Variants in FAM89A observed in about 807,000 individuals in gnomAD.
FAM89A encodes protein FAM89A.
In FAM89A, 10 loss-of-function variants were observed where a neutral mutation model predicts 7.1. The observed-to-expected ratio is 1.40, with a 90% CI of 0.86 to 2.38. The LOEUF (loss-of-function observed/expected upper bound fraction) is 2.38. Among genes scored for constraint, FAM89A ranks in the 30% most tolerant of loss-of-function variants. The probability of loss-of-function intolerance (pLI) is 0.00; values close to 1 mark genes in which losing one functional copy is unlikely to be tolerated. For missense variants in FAM89A, 276 were observed against 262.8 expected (o/e 1.05, Z -0.35); for synonymous variants, 157 against 129.3 (o/e 1.21, Z -1.45).
In FAM89A at chr1:231,019,867, A is replaced by G; in HGVS notation, c.551T>C (p.Ile184Thr). ...LSSSDWILES[I>T] is the part of the protein sequence containing the mutation. ...TCACATCCCTCCCAAGACCCTCTAG[A>G]TGGACTCCAGAATCCAGTCGCTGCT... The change falls in exon 2 of 2, where the codon ATC (isoleucine) becomes ACC (threonine). Residue 184 changes from isoleucine to threonine, a missense_variant. Ile to Thr is a moderately conservative substitution (Grantham distance 89). Transcript: ENST00000366654. The G allele has an allele frequency of 6.2e-7, 1 of 1,613,746 alleles. No individual in the cohort carries two copies. The highest frequency in any genetic ancestry group is 8.5e-7 in the Non-Finnish European group (1 of 1,179,802).
chr1:231,033,446 A>T (rs1680108243), intron 1 of FAM89A, among the ~76,000 whole-genome samples: 1 of 152,220 alleles, frequency 6.6e-6, no homozygotes, highest in Admixed American at 6.5e-5. Flanking sequence ...AGTGAACTGC[A>T]AGCCAGGCAT....
chr1:231,022,922 G>A (rs770209645), intron 1 of FAM89A, among the ~76,000 whole-genome samples: 24 of 109,872 alleles, frequency 2.2e-4, no homozygotes, highest in Non-Finnish European at 4.2e-4. Context: ...GTTGTTCTCA[G>A]GAACCTTACC....
chr1:231,028,735 T>A (rs1572356175), intron 1 of FAM89A: 2 of 152,354 alleles, frequency 1.3e-5, no homozygotes. Context: ...TCCATGGCCG[T>A]AAACTGCGAG....
At chr1:231,032,442 C>A (rs908235245) in intron 1 of FAM89A, among the ~76,000 whole-genome samples, 3 of 144,752 alleles carry the variant, frequency 2.1e-5, no homozygotes, top group African/African-American at 7.7e-5. Flanking sequence ...CAAACCCTCA[C>A]TGTGACAGGA....
At chr1:231,028,026 C>CAA (rs1374904469) in intron 1 of FAM89A, among the ~76,000 whole-genome samples, 2 of 152,244 alleles carry the variant, frequency 1.3e-5, no homozygotes, top group African/African-American at 4.8e-5. Context: ...CCCAGAAACT[C>CAA]AGAGCAGACA....
intron 1 of FAM89A, among the ~76,000 whole-genome samples, chr1:231,039,502 T>A (rs1399060001): frequency 2.0e-5 from 3 of 152,072 alleles, no homozygotes; most frequent in Non-Finnish European, 4.4e-5. Context: ...GTCCTCTTCG[T>A]GGTAGGAAAA....
At chr1:231,034,777 A>G (rs1315656034) in intron 1 of FAM89A, among the ~76,000 whole-genome samples, 6 of 150,184 alleles carry the variant, frequency 4.0e-5, no homozygotes, top group Non-Finnish European at 7.4e-5. Context: ...TGTCTCAAAA[A>G]AAAAAAAAAA....
chr1:231,035,569 G>C (rs950396846), intron 1 of FAM89A, among the ~76,000 whole-genome samples: 1 of 152,102 alleles, frequency 6.6e-6, no homozygotes, highest in East Asian at 1.9e-4. Context: ...ATCTAACCTC[G>C]CACGGGTGCT....
At position 231,019,989 on chromosome 1, in the gene FAM89A, A is replaced by T. The variant is rs746369570; in HGVS notation, c.429T>A (p.Asp143Glu). The T allele has an allele frequency of 2.0e-5, 33 of 1,613,974 alleles. No individual in the cohort carries two copies. The Admixed American group carries it at 5.3e-4, about 26-fold the overall frequency. The change falls in exon 2 of 2, where the codon GAT becomes GAA. Residue 143 changes from aspartate (D) to glutamate (E), a missense_variant. Transcript: ENST00000366654. The part of the protein sequence containing the change: ...CTYALENGFF[D>E]EEEEYFQEQN... ...GCTCCTGGAAATATTCCTCCTCTTC[A>T]TCGAAGAAGCCGTTCTCCAGAGCGT...
At position 231,039,277 on chromosome 1, in the gene FAM89A, C is replaced by G. The variant is rs2103078702; in HGVS notation, c.291+644G>C. Among the ~76,000 whole-genome samples the G allele has an allele frequency of 2.0e-5, 3 of 152,364 alleles. No individual in the cohort carries two copies. In the Middle Eastern group the frequency reaches 0.01, roughly 518 times the overall value. On this transcript the variant is annotated intron_variant, in intron 1 of 1. Coordinates refer to ENST00000366654, the MANE Select transcript of FAM89A (RefSeq NM_198552.3). ...ACAGCACCCAGACCGGGAGGACAGC[C>G]ACCTCCCACCTTTCTCAAGAGGGTT...
rs949002573 is a variant in FAM89A at position 231,019,090 on chromosome 1, T to C, written c.*773A>G. The C allele has an allele frequency of 3.9e-5, 6 of 152,138 alleles. No individual in the cohort carries two copies. The highest frequency in any genetic ancestry group is 7.3e-5 in the Non-Finnish European group (5 of 68,030). The allele number at this position is 152,138 out of a possible 1,614,324, so 9.4% of individuals were successfully genotyped here. A position where few individuals can be genotyped will look rare whatever the true frequency, so the allele number is the denominator to read the frequency against. On this transcript the variant is annotated 3_prime_UTR_variant, in exon 2 of 2. Coordinates refer to ENST00000366654, the MANE Select transcript of FAM89A (RefSeq NM_198552.3). ...GGTGGTTTGCTTTCTAGCACACTAG[T>C]TTACATTCGGAATCTTAAAAATGAA...
At chr1:231,024,704 T>G (rs901672445) in intron 1 of FAM89A, among the ~76,000 whole-genome samples, 1 of 151,970 alleles carries the variant, frequency 6.6e-6, no homozygotes, top group Non-Finnish European at 1.5e-5. Context: ...GCCTGGCTAA[T>G]TTTTTAAAGA....
In FAM89A at chr1:231,019,671, G is replaced by C. The variant is rs1679834878; in HGVS notation, c.*192C>G. 6.5e-6 allele frequency: 4 copies of C among 618,748 alleles called. No individual in the cohort carries two copies. The highest frequency in any genetic ancestry group is 1.1e-5 in the Non-Finnish European group (4 of 358,320). 38.3% of individuals were successfully genotyped at this position (618,748 alleles called of 1,614,324 possible). A position where few individuals can be genotyped will look rare whatever the true frequency, so the allele number is the denominator to read the frequency against. ...CCTCTAGGTCACCTAAGCAGAAACT[G>C]CTGCCATCAAAGCAGACTGCCACCA... On this transcript the variant is annotated 3_prime_UTR_variant, in exon 2 of 2. Coordinates refer to ENST00000366654, the MANE Select transcript of FAM89A (RefSeq NM_198552.3).
chr1:231,019,075 T>C lies in FAM89A; in HGVS notation c.*788A>G, dbSNP rs1679822738. 1 of 152,210 alleles carries C rather than the reference T, an allele frequency of 6.6e-6. No individual in the cohort carries two copies. Among genetic ancestry groups the C allele is most frequent in the South Asian group, 2.1e-4 (1 of 4,828 alleles). 9.4% of individuals were successfully genotyped at this position (152,210 alleles called of 1,614,324 possible). On this transcript the variant is annotated 3_prime_UTR_variant, in exon 2 of 2. Transcript: ENST00000366654. Reference sequence around the variant, plus strand: ...CTGGTTTGAGTGGCGGGTGGTTTGCTTTCTAGCACACTAGTTTACATTCGG... The same window carrying C: ...CTGGTTTGAGTGGCGGGTGGTTTGCCTTCTAGCACACTAGTTTACATTCGG...
At chr1:231,026,260 C>T (rs1679968151) in intron 1 of FAM89A, 1 of 153,286 alleles carries the variant, frequency 6.5e-6, no homozygotes, top group African/African-American at 2.4e-5. Context: ...TGAGGTGGTA[C>T]ATGAGAAGGA....
At chr1:231,033,119 G>A (rs554401496) in intron 1 of FAM89A, among the ~76,000 whole-genome samples, 12 of 152,348 alleles carry the variant, frequency 7.9e-5, no homozygotes, top group African/African-American at 2.9e-4. Context: ...TGTGGGGAAC[G>A]AGCCACAGGA....
chr1:231,039,875 G>A (rs1454036754), intron 1 of FAM89A, 46 bp downstream of exon 1: 2 of 1,276,724 alleles, frequency 1.6e-6, no homozygotes, highest in African/African-American at 3.1e-5. Context: ...TTCCCGGGAC[G>A]GCGAGCCCGG....
intron 1 of FAM89A, chr1:231,028,543 G>A (rs907008076): frequency 1.2e-4 from 18 of 152,144 alleles, no homozygotes; most frequent in African/African-American, 4.3e-4. Flanking sequence ...GTGTGTTCTC[G>A]CATGCCCTTG....
chr1:231,032,366 A>AC (rs1680088163), intron 1 of FAM89A, among the ~76,000 whole-genome samples: 4 of 100,222 alleles, frequency 4.0e-5, no homozygotes, highest in Non-Finnish European at 4.3e-5. Flanking sequence ...ACACCGCCCC[A>AC]CCCCACCCCG....
Sources: gnomAD v4.1 joint callset for allele counts (sites outside exome capture counted in the v4.1 genomes callset) on GRCh38, gnomAD v4.1.1 for gene constraint, MANE v1.5 for transcripts, NCBI Gene and HGNC (gene_info 2026-07-23, HGNC 2026-07-21) for gene names.